The following PRPF40B variants were observed in gnomAD, a reference collection of about 807,000 sequenced individuals.
The protein encoded by PRPF40B is pre-mRNA processing factor 40B.
In PRPF40B, 56 loss-of-function variants were observed where a neutral mutation model predicts 124.5. The observed-to-expected ratio is 0.45, with a 90% confidence interval of 0.36 to 0.56. PRPF40B has a LOEUF of 0.56. Ranked by LOEUF, PRPF40B falls within the 20% of genes least tolerant of loss-of-function variation. PRPF40B has a pLI of 0.00. For synonymous variants in PRPF40B, 443 were observed against 426.4 expected, an observed-to-expected ratio of 1.04 and a Z score of -0.48; for missense variants, 1,053 against 1,169.5, an observed-to-expected ratio of 0.90 and a Z score of 1.45.
Position 49,644,326 on chromosome 12 carries a change from C to A in PRPF40B, c.*134C>A. The A allele has an allele frequency of 1.0e-6, 1 of 980,990 alleles. No individual in the cohort carries two copies. The highest frequency in any genetic ancestry group is 1.5e-6 in the Non-Finnish European group (1 of 645,238). 60.8% of individuals were successfully genotyped at this position (980,990 alleles called of 1,614,324 possible). The stretch of plus-strand genomic sequence containing the variant: ...TAAAGTAACCCCACCCCCAGCACAC[C>A]ATTGTTGGCACCTCTCAAGGTTGCT... On this transcript the variant is annotated 3_prime_UTR_variant, in exon 26 of 26. Transcript: ENST00000548825.
Position 49,642,746 on chromosome 12 carries a change from A to AG in PRPF40B, c.2118+72dup. 6.6e-7 allele frequency: 1 copy of AG among 1,525,718 alleles called. No individual in the cohort carries two copies. The highest frequency in any genetic ancestry group is 1.2e-5 in the South Asian group (1 of 84,890). The allele number at this position is 1,525,718 out of a possible 1,614,324, so 94.5% of individuals were successfully genotyped here. A position where few individuals can be genotyped will look rare whatever the true frequency, so the allele number is the denominator to read the frequency against. On this transcript the variant is annotated intron_variant, in intron 21 of 25. Coordinates refer to ENST00000548825, the MANE Select transcript of PRPF40B (RefSeq NM_001031698.3). This position sits in a 1 kb window ranked among gnomAD's most constrained non-coding sequence, Gnocchi z 5.8. ...ATTAGACCAGTTCAACAGAGACCTCAGTGGCCTCCCTCTTACCCTTAGGGC... is the reference window on the plus strand; with the variant it reads ...ATTAGACCAGTTCAACAGAGACCTCAGGTGGCCTCCCTCTTACCCTTAGGGC...
Position 49,635,615 on chromosome 12 carries a change from CA to C in PRPF40B, c.1275+143del. The C allele has an allele frequency of 1.1e-6, 1 of 925,552 alleles. No individual in the cohort carries two copies. Among genetic ancestry groups the C allele is most frequent in the Non-Finnish European group, 1.6e-6 (1 of 620,766 alleles). The allele number at this position is 925,552 out of a possible 1,614,324, so 57.3% of individuals were successfully genotyped here. A position where few individuals can be genotyped will look rare whatever the true frequency, so the allele number is the denominator to read the frequency against. On this transcript the variant is annotated intron_variant, in intron 14 of 25. Transcript: ENST00000548825. This position sits in a 1 kb window ranked among gnomAD's most constrained non-coding sequence, Gnocchi z 4.1. ...CTTGGAAGCTGGTATGGGACTTGCA[CA>C]TCTCATTTCTGCTCTGGGCCTATAG...
chr12:49,628,609 G>A lies in PRPF40B; in HGVS notation c.4-1936G>A, dbSNP rs182053792. Among the ~76,000 whole-genome samples the A allele has an allele frequency of 5.8e-3, 861 of 149,202 alleles. 16 individuals carry two copies. Among genetic ancestry groups the A allele is most frequent in the African/African-American group, 0.02 (810 of 40,442 alleles). On this transcript the variant is annotated intron_variant, in intron 1 of 25. Transcript: ENST00000548825. Reference sequence around the variant, plus strand: ...GACGAAATCTCGCTCTGTCGCCCAGGCTGGAGTTGGAGTGCAGTGGCGCCT... The same window carrying A: ...GACGAAATCTCGCTCTGTCGCCCAGACTGGAGTTGGAGTGCAGTGGCGCCT...
rs780633306 is a variant in PRPF40B, at chr12:49,643,023, A to AAGGAACTCTAC, written c.2205+9_2205+10insGAACTCTACAG. ...GCGTTCCCACTCACCCTCAGTGAGTAAGCGTGTAGAAGGGACATGGGGTGA... is the reference window on the plus strand; with the variant it reads ...GCGTTCCCACTCACCCTCAGTGAGTAAGGAACTCTACAGCGTGTAGAAGGGACATGGGGTGA... On this transcript the variant is annotated splice_region_variant and intron_variant, in intron 22 of 25. Coordinates refer to ENST00000548825, the MANE Select transcript of PRPF40B (RefSeq NM_001031698.3). The AAGGAACTCTAC allele has an allele frequency of 8.1e-6, 13 of 1,612,672 alleles. No individual in the cohort carries two copies. The African/African-American group carries it at 1.5e-4, about 18-fold the overall frequency.
rs573488792 is a variant in PRPF40B at position 49,636,376 on chromosome 12, C to CA, written c.1427-337dup. 1.4e-4 allele frequency: 57 copies of CA among 417,044 alleles called. No homozygotes were observed. In the South Asian group the frequency reaches 2.1e-3, roughly 15 times the overall value. 25.8% of individuals were successfully genotyped at this position (417,044 alleles called of 1,614,324 possible). On this transcript the variant is annotated intron_variant, in intron 15 of 25. Transcript: ENST00000548825. ...TTGGCCTGTAATTACTGATGATACT[C>CA]AAATTCACTTTCTGAAATTGCATCA...
At chr12:49,643,454 T>C in intron 23 of PRPF40B, 57 bp downstream of exon 23, 1 of 1,516,326 alleles carries the variant, frequency 6.6e-7, no homozygotes. Context: ...ACTGAGAGGA[T>C]GCCCTCCACA....
intron 1 of PRPF40B, among the ~76,000 whole-genome samples, chr12:49,629,073 C>T (rs1479134182): frequency 6.6e-6 from 1 of 152,190 alleles, no homozygotes; most frequent in Non-Finnish European, 1.5e-5. Context: ...GGTTCACTTA[C>T]AGTGAGTTTG....
upstream of PRPF40B, among the ~76,000 whole-genome samples, chr12:49,623,232 T>G (rs1197947428): frequency 6.6e-6 from 1 of 151,900 alleles, no homozygotes; most frequent in Non-Finnish European, 1.5e-5. Flanking sequence ...GCGTGAACGC[T>G]TCGGCTCCTG....
rs374992843 is a variant in PRPF40B at position 49,642,038 on chromosome 12, C to T, written c.1884+14C>T. The T allele has an allele frequency of 1.4e-5, 23 of 1,603,718 alleles. No individual in the cohort carries two copies. The highest frequency in any genetic ancestry group is 4.4e-5 in the South Asian group (4 of 90,924). ...ACCTTCAATAGTGTGAGGGGCTGGG[C>T]GGGGCGTGGGAAGTTCTCTAATTCA... On this transcript the variant is annotated intron_variant, in intron 19 of 25. Transcript: ENST00000548825. The surrounding 1 kb of genome is among the most constrained non-coding windows in gnomAD (Gnocchi z 5.8).
At chr12:49,637,012 ACCT>A in intron 16 of PRPF40B, 163 bp downstream of exon 16, 5 of 1,068,902 alleles carry the variant, frequency 4.7e-6, no homozygotes, top group Non-Finnish European at 6.7e-6. Flanking sequence ...TTTCTGCTGT[ACCT>A]CCTCAATTCT....
At chr12:49,636,647 T>G in intron 15 of PRPF40B, 69 bp from the exon 16 acceptor site, 1 of 1,600,062 alleles carries the variant, frequency 6.2e-7, no homozygotes, top group Non-Finnish European at 8.6e-7. Flanking sequence ...GTTGAAACAT[T>G]AGGGGTGCTG....
intron 4 of PRPF40B, chr12:49,632,355 G>T: frequency 1.7e-6 from 1 of 576,084 alleles, no homozygotes. Context: ...ATGAGCCTCG[G>T]GAGTTGTCTC....
Position 49,642,294 on chromosome 12 carries a change from G to A in PRPF40B, c.1944G>A (p.Met648Ile). The A allele has an allele frequency of 6.2e-7, 1 of 1,614,220 alleles. No homozygotes were observed. The highest frequency in any genetic ancestry group is 8.5e-7 in the Non-Finnish European group (1 of 1,180,042). Reference sequence around the variant, plus strand: ...GGGAGAAGGAGGAGGCACGCAGGATGCGGCGCAGGGAAGCTGCCTTTCGAA... The same window carrying A: ...GGGAGAAGGAGGAGGCACGCAGGATACGGCGCAGGGAAGCTGCCTTTCGAA... The part of the protein sequence containing the change: ...REREKEEARR[M>I]RRREAAFRSM... The change falls in exon 20 of 26, where the codon ATG becomes ATA. Residue 648 changes from methionine (M) to isoleucine (I), a missense_variant. Physicochemically the swap from Met to Ile is conservative, Grantham distance 10 (BLOSUM62 1). Coordinates refer to ENST00000548825, the MANE Select transcript of PRPF40B (RefSeq NM_001031698.3). This position sits in a 1 kb window ranked among gnomAD's most constrained non-coding sequence, Gnocchi z 5.8.
At chr12:49,638,803 G>A in intron 18 of PRPF40B, 1 of 152,192 alleles carries the variant, frequency 6.6e-6, no homozygotes, top group Non-Finnish European at 1.5e-5. Context: ...CTAAAAAATG[G>A]TGAGTGTTCC....
In PRPF40B at chr12:49,633,011, C is replaced by A. The variant is rs1941390938; in HGVS notation, c.349-3C>A. The A allele has an allele frequency of 6.8e-7, 1 of 1,471,058 alleles. No homozygotes were observed. Among genetic ancestry groups the A allele is most frequent in the Non-Finnish European group, 9.3e-7 (1 of 1,070,562 alleles). The allele number at this position is 1,471,058 out of a possible 1,614,324, so 91.1% of individuals were successfully genotyped here. A position where few individuals can be genotyped will look rare whatever the true frequency, so the allele number is the denominator to read the frequency against. On this transcript the variant is annotated splice_region_variant and splice_polypyrimidine_tract_variant and intron_variant, in intron 6 of 25. Transcript: ENST00000548825. ...ACCATTCTGTGCCCCCCCCCCCACC[C>A]AGAGGGCCCTATGGAGTGAGCATGT...
intron 1 of PRPF40B, among the ~76,000 whole-genome samples, 190 bp from the exon 2 acceptor site, chr12:49,630,355 A>G (rs1168279851): frequency 6.6e-6 from 1 of 152,126 alleles, no homozygotes; most frequent in East Asian, 1.9e-4. Flanking sequence ...AGCTGGCACA[A>G]GAGAGAGCAA....
At chr12:49,636,922 C>T in intron 16 of PRPF40B, 73 bp downstream of exon 16, 2 of 1,601,332 alleles carry the variant, frequency 1.2e-6, no homozygotes, top group South Asian at 2.2e-5. Context: ...CATTCCCTGC[C>T]CCCTTCTGGA....
chr12:49,624,787 G>T (rs1209393904), intron 1 of PRPF40B, among the ~76,000 whole-genome samples: 1 of 151,736 alleles, frequency 6.6e-6, no homozygotes, highest in Non-Finnish European at 1.5e-5. Flanking sequence ...AGAGGTTGTG[G>T]TGAGCTGAGA....
At position 49,635,327 on chromosome 12, in the gene PRPF40B, TTC is replaced by T. The variant is rs1941663260; in HGVS notation, c.1167-34_1167-33del. On this transcript the variant is annotated intron_variant, in intron 13 of 25. Transcript: ENST00000548825. The surrounding 1 kb of genome is among the most constrained non-coding windows in gnomAD (Gnocchi z 4.1). ...AGAACACAAAGGTCCAGGGTCTCTGTTCTCTGTCTACCTACTCACAGCTTATA... is the reference window on the plus strand; with the variant it reads ...AGAACACAAAGGTCCAGGGTCTCTGTTCTGTCTACCTACTCACAGCTTATA... The T allele has an allele frequency of 6.2e-7, 1 of 1,609,432 alleles. No individual in the cohort carries two copies.
Sources: gnomAD v4.1 joint callset for allele counts (sites outside exome capture counted in the v4.1 genomes callset) on GRCh38, gnomAD v4.1.1 for gene constraint, Gnocchi (gnomAD v3.1) non-coding constraint, MANE v1.5 for transcripts, NCBI Gene and HGNC (gene_info 2026-07-23, HGNC 2026-07-21) for gene names.